POU6F2: variants seen among roughly 807,000 people sequenced by gnomAD.
POU6F2 encodes POU class 6 homeobox 2.
POU6F2 carries 31 observed loss-of-function variants against 71.3 expected under a neutral mutation model. The ratio of observed to expected loss-of-function variants is 0.43; its 90% CI spans 0.33 to 0.59. The LOEUF (loss-of-function observed/expected upper bound fraction) is 0.59, where lower values mean the gene tolerates loss of function less well. Ranked by LOEUF, POU6F2 falls within the 20% of genes least tolerant of loss-of-function variation. The pLI, the probability that POU6F2 is intolerant of heterozygous loss-of-function variation, is 0.04. For synonymous variants in POU6F2, 347 were observed against 355.7 expected (o/e 0.98, Z 0.27); for missense variants, 783 against 856.8 (o/e 0.91, Z 1.07).
At chr7:39,310,644 TGTAAG>T (rs1785145148) in intron 4 of POU6F2, among the ~76,000 whole-genome samples, 1 of 152,254 alleles carries the variant, frequency 6.6e-6, no homozygotes, top group African/African-American at 2.4e-5. Context: ...CATTACATGA[TGTAAG>T]TACAACATAC....
chr7:39,280,614 A>G (rs1013702211), intron 4 of POU6F2, among the ~76,000 whole-genome samples: 1 of 152,224 alleles, frequency 6.6e-6, no homozygotes, highest in Non-Finnish European at 1.5e-5. Flanking sequence ...TACATTTCTC[A>G]TAGGTAATTT....
intron 6 of POU6F2, among the ~76,000 whole-genome samples, chr7:39,428,892 G>A (rs949156677): frequency 3.1e-4 from 45 of 144,490 alleles, no homozygotes; most frequent in Non-Finnish European, 4.5e-4. Flanking sequence ...GCATGTTCTC[G>A]TCATAGGTGG....
chr7:39,401,960 G>A (rs1015999793), intron 5 of POU6F2, among the ~76,000 whole-genome samples: 19 of 152,194 alleles, frequency 1.2e-4, no homozygotes, highest in African/African-American at 4.6e-4. Context: ...ATAAACATAG[G>A]AATATAATAC....
intron 1 of POU6F2, among the ~76,000 whole-genome samples, chr7:38,985,667 A>G (rs1024125457): frequency 1.3e-5 from 2 of 152,106 alleles, no homozygotes; most frequent in African/African-American, 4.8e-5. Context: ...CTCTCTGTTC[A>G]TATCAGCAGA....
intron 2 of POU6F2, among the ~76,000 whole-genome samples, chr7:39,171,610 A>T (rs1189497293): frequency 6.6e-6 from 1 of 152,234 alleles, no homozygotes; most frequent in African/African-American, 2.4e-5. Flanking sequence ...TAAAACAAAA[A>T]TAATCCCTCA....
intron 4 of POU6F2, among the ~76,000 whole-genome samples, chr7:39,226,380 C>T (rs2128749256): frequency 1.3e-5 from 2 of 152,258 alleles, no homozygotes; most frequent in East Asian, 3.9e-4. Context: ...TATAATATGA[C>T]TCATTGCACT....
At chr7:39,144,452 A>C (rs1792573136) in intron 2 of POU6F2, among the ~76,000 whole-genome samples, 1 of 152,212 alleles carries the variant, frequency 6.6e-6, no homozygotes, top group African/African-American at 2.4e-5. Flanking sequence ...AATATGCTAT[A>C]GTGTCTATCA....
At chr7:39,028,123 A>C (rs1048574150) in intron 1 of POU6F2, among the ~76,000 whole-genome samples, 4 of 151,794 alleles carry the variant, frequency 2.6e-5, no homozygotes, top group South Asian at 4.2e-4. Flanking sequence ...TTTATTTGAC[A>C]TTCCTATTTT....
intron 4 of POU6F2, among the ~76,000 whole-genome samples, chr7:39,324,074 C>T (rs1331970129): frequency 1.3e-5 from 2 of 148,326 alleles, no homozygotes; most frequent in Non-Finnish European, 3.0e-5. Flanking sequence ...CGCAACTGCA[C>T]TCCAGCCTGG....
At chr7:39,329,718 T>C (rs1785598101) in intron 4 of POU6F2, among the ~76,000 whole-genome samples, 1 of 152,116 alleles carries the variant, frequency 6.6e-6, no homozygotes, top group Non-Finnish European at 1.5e-5. Context: ...CTGTCTTTGC[T>C]TGGCTTCTTG....
chr7:39,291,495 C>G (rs1784755529), intron 4 of POU6F2, among the ~76,000 whole-genome samples: 1 of 152,216 alleles, frequency 6.6e-6, no homozygotes, highest in South Asian at 2.1e-4. Flanking sequence ...CACTGGATCA[C>G]AAGCTTTAGA....
intron 5 of POU6F2, among the ~76,000 whole-genome samples, chr7:39,387,616 C>T (rs1786975852): frequency 6.6e-6 from 1 of 152,216 alleles, no homozygotes; most frequent in Admixed American, 6.5e-5. Context: ...GCTCCTGGCT[C>T]CACACAGCAG....
intron 5 of POU6F2, among the ~76,000 whole-genome samples, chr7:39,383,812 A>G (rs761586725): frequency 6.6e-6 from 1 of 152,222 alleles, no homozygotes; most frequent in Non-Finnish European, 1.5e-5. Flanking sequence ...CATCTTTTCC[A>G]AAGTCAGGAG....
At chr7:39,458,642 C>G (rs1327011903) in intron 8 of POU6F2, among the ~76,000 whole-genome samples, 1 of 152,164 alleles carries the variant, frequency 6.6e-6, no homozygotes, top group Non-Finnish European at 1.5e-5. Context: ...TGCCTGCCTT[C>G]TGGGAGTAGT....
At chr7:39,247,914 C>A (rs1783849327) in intron 4 of POU6F2, among the ~76,000 whole-genome samples, 1 of 152,182 alleles carries the variant, frequency 6.6e-6, no homozygotes, top group African/African-American at 2.4e-5. Context: ...ATTTTCCACT[C>A]TTCTTTCTGG....
intron 4 of POU6F2, among the ~76,000 whole-genome samples, chr7:39,327,570 G>C (rs1267577449): frequency 6.6e-6 from 1 of 151,650 alleles, no homozygotes; most frequent in Non-Finnish European, 1.5e-5. Flanking sequence ...GGCCAGGCTG[G>C]GCAACATAGT....
chr7:39,350,345 G>T (rs775933383), intron 5 of POU6F2, among the ~76,000 whole-genome samples: 3 of 152,170 alleles, frequency 2.0e-5, no homozygotes, highest in Non-Finnish European at 4.4e-5. Flanking sequence ...CCGGGGAGAA[G>T]ATTTAAGAGA....
chr7:39,260,051 A>G lies in POU6F2; in HGVS notation c.598+52431A>G, dbSNP rs1784101821. Among the ~76,000 whole-genome samples the G allele has an allele frequency of 3.3e-5, 5 of 151,458 alleles. No homozygotes were observed. In the South Asian group the frequency reaches 1.0e-3, roughly 32 times the overall value. On this transcript the variant is annotated intron_variant, in intron 4 of 9. Transcript: ENST00000518318. Reference sequence around the variant, plus strand: ...ACCACACATACAATACCACGTACACACTACATAATCCATACACATACGATA... The same window carrying G: ...ACCACACATACAATACCACGTACACGCTACATAATCCATACACATACGATA...
At chr7:38,989,055 G>T (rs551653762) in intron 1 of POU6F2, among the ~76,000 whole-genome samples, 3 of 152,042 alleles carry the variant, frequency 2.0e-5, no homozygotes, top group Non-Finnish European at 2.9e-5. Context: ...TGGTAGACCC[G>T]TTGGGGAGTG....
Sources: gnomAD v4.1 joint callset for allele counts (sites outside exome capture counted in the v4.1 genomes callset) on GRCh38, gnomAD v4.1.1 for gene constraint, MANE v1.5 for transcripts, NCBI Gene and HGNC (gene_info 2026-07-23, HGNC 2026-07-21) for gene names.